The following SREK1 variants were observed in gnomAD, a reference collection of about 807,000 sequenced individuals.
SREK1 encodes splicing regulatory glutamine/lysine-rich protein 1.
Under a neutral mutation model 66.5 loss-of-function variants are expected in SREK1, and 13 were observed. The observed-to-expected ratio is 0.20, with a 90% CI of 0.13 to 0.31. The LOEUF is 0.31. Ranked by LOEUF, SREK1 falls within the 10% of genes least tolerant of loss-of-function variation. The pLI is 1.00. For synonymous variants in SREK1, 265 were observed against 263.5 expected (o/e 1.01, Z -0.05); for missense variants, 607 against 769.6 (o/e 0.79, Z 2.50).
intron 1 of SREK1, 34 bp from the exon 2 acceptor site, chr5:66,153,429 T>C: frequency 2.5e-6 from 4 of 1,592,886 alleles, no homozygotes; most frequent in Non-Finnish European, 3.4e-6. Context: ...AGCAAATGTT[T>C]ATTAGTTCAA....
chr5:66,182,386 A>G lies in SREK1; in HGVS notation c.*3518A>G, dbSNP rs1269678342. The G allele has an allele frequency of 1.3e-5, 2 of 152,128 alleles. No individual in the cohort carries two copies. The highest frequency in any genetic ancestry group is 4.8e-5 in the African/African-American group (2 of 41,420). 9.4% of individuals were successfully genotyped at this position (152,128 alleles called of 1,614,324 possible). A position where few individuals can be genotyped will look rare whatever the true frequency, so the allele number is the denominator to read the frequency against. ...ACTTAAAATTAGATGTTTATTTTCA[A>G]ATTTTAAAAGCTAGTGCTCTTAAAA... On this transcript the variant is annotated 3_prime_UTR_variant, in exon 12 of 12. Transcript: ENST00000334121.
At position 66,162,570 on chromosome 5, in the gene SREK1, A is replaced by G; in HGVS notation, c.733A>G (p.Met245Val). ...VPRALAFNGV[M>V]FGDRPLKINH... Reference sequence around the variant, plus strand: ...AAGGGCCCTTGCTTTTAATGGAGTTATGTTTGGAGACAGGCCACTGAAGTA... The same window carrying G: ...AAGGGCCCTTGCTTTTAATGGAGTTGTGTTTGGAGACAGGCCACTGAAGTA... Residue 245 changes from methionine (M) to valine (V), a missense_variant, in exon 5 of 12, where the codon ATG becomes GTG. By Grantham distance (21) the Met-to-Val change is conservative (BLOSUM62 1). Coordinates refer to ENST00000334121, the MANE Select transcript of SREK1 (RefSeq NM_001077199.3). 1 of 1,612,472 alleles carries G rather than the reference A, an allele frequency of 6.2e-7. No individual in the cohort carries two copies. The highest frequency in any genetic ancestry group is 8.5e-7 in the Non-Finnish European group (1 of 1,179,044).
intron 3 of SREK1, among the ~76,000 whole-genome samples, chr5:66,160,700 A>C (rs1351271562): frequency 6.6e-6 from 1 of 152,240 alleles, no homozygotes; most frequent in Non-Finnish European, 1.5e-5. Context: ...TGCTGTGATA[A>C]GTGACATTGA....
rs1240356561 is a variant in SREK1, at chr5:66,164,352, A to G, written c.886+430A>G. On this transcript the variant is annotated intron_variant, in intron 6 of 11. Transcript: ENST00000334121. ...CTGTATTTTAGTAAGGTAAAAGAAC[A>G]TCTATTTAAACTTTTGTGTTGCTAA... The G allele has an allele frequency of 1.2e-5, 4 of 328,748 alleles. No individual in the cohort carries two copies. The East Asian group carries it at 3.2e-4, about 27-fold the overall frequency. The allele number at this position is 328,748 out of a possible 1,614,324, so 20.4% of individuals were successfully genotyped here.
chr5:66,162,052 T>A, intron 3 of SREK1, 57 bp from the exon 4 acceptor site: 1 of 1,557,106 alleles, frequency 6.4e-7, no homozygotes, highest in Non-Finnish European at 8.7e-7. Context: ...GAGAATGGTA[T>A]CTTTGGATAC....
At chr5:66,148,785 A>G (rs1185639913) in intron 1 of SREK1, among the ~76,000 whole-genome samples, 1 of 151,622 alleles carries the variant, frequency 6.6e-6, no homozygotes, top group African/African-American at 2.4e-5. Flanking sequence ...AGATGCATAC[A>G]TTTAGACCAA....
intron 9 of SREK1, among the ~76,000 whole-genome samples, chr5:66,173,967 ATAT>A (rs1231606021): frequency 1.3e-5 from 2 of 152,198 alleles, no homozygotes; most frequent in African/African-American, 2.4e-5. Flanking sequence ...ATTTTAATAC[ATAT>A]TATATATACC....
chr5:66,165,615 A>G (rs1449401122), intron 7 of SREK1: 2 of 152,262 alleles, frequency 1.3e-5, no homozygotes, highest in Non-Finnish European at 2.9e-5. Context: ...GAAGTACCCT[A>G]AAGATCATTA....
chr5:66,170,972 C>G (rs376100378), intron 9 of SREK1, 25 bp downstream of exon 9: 1 of 1,572,098 alleles, frequency 6.4e-7, no homozygotes, highest in Non-Finnish European at 8.6e-7. Flanking sequence ...AAAATTTTTA[C>G]AAAGGGATTT....
At position 66,162,336 on chromosome 5, in the gene SREK1, C is replaced by A; in HGVS notation, c.576+63C>A. On this transcript the variant is annotated intron_variant, in intron 4 of 11. Transcript: ENST00000334121. ...TTATTCTTTTTCTCTTCTTAAAAATCATATCAGTGGATACAGTAATATTTA... is the reference window on the plus strand; with the variant it reads ...TTATTCTTTTTCTCTTCTTAAAAATAATATCAGTGGATACAGTAATATTTA... The A allele has an allele frequency of 5.0e-6, 8 of 1,605,180 alleles. No individual in the cohort carries two copies. The South Asian group carries it at 8.9e-5, about 18-fold the overall frequency.
At chr5:66,155,449 A>C (rs1212834249) in intron 2 of SREK1, among the ~76,000 whole-genome samples, 1 of 152,248 alleles carries the variant, frequency 6.6e-6, no homozygotes. Flanking sequence ...TGAGCTGTTA[A>C]AATACTGATT....
At chr5:66,145,191 G>T (rs1335369927) in intron 1 of SREK1, 2 of 983,366 alleles carry the variant, frequency 2.0e-6, no homozygotes, top group African/African-American at 3.5e-5. Flanking sequence ...AGTGTAAGTC[G>T]GTGCAGGGTT....
rs1027148675 is a variant in SREK1, at chr5:66,180,021, T to A, written c.*1153T>A. On this transcript the variant is annotated 3_prime_UTR_variant, in exon 12 of 12. Transcript: ENST00000334121. The stretch of plus-strand genomic sequence containing the variant: ...AAACATGTTCTTATTTTCCTTAAAT[T>A]GAAGAAAACCCTTTAGTTGTCTACA... 6.6e-6 allele frequency: 1 copy of A among 152,576 alleles called. No individual in the cohort carries two copies. The highest frequency in any genetic ancestry group is 1.5e-5 in the Non-Finnish European group (1 of 67,998). The allele number at this position is 152,576 out of a possible 1,614,324, so 9.5% of individuals were successfully genotyped here.
chr5:66,145,816 C>T (rs1471567205), intron 1 of SREK1, among the ~76,000 whole-genome samples: 2 of 148,474 alleles, frequency 1.3e-5, no homozygotes, highest in Non-Finnish European at 3.0e-5. Flanking sequence ...CTTGAATATG[C>T]CAAGTAATCC....
At chr5:66,150,047 T>G (rs1743640969) in intron 1 of SREK1, among the ~76,000 whole-genome samples, 1 of 152,240 alleles carries the variant, frequency 6.6e-6, no homozygotes, top group Non-Finnish European at 1.5e-5. Context: ...TACAGCTTGC[T>G]GTAAGTCACC....
At chr5:66,159,484 T>TC (rs1281931154) in intron 3 of SREK1, 150 bp downstream of exon 3, 2 of 620,562 alleles carry the variant, frequency 3.2e-6, no homozygotes, top group Non-Finnish European at 5.0e-6. Flanking sequence ...ACTTTTTTTT[T>TC]CACTTTATCA....
At chr5:66,158,714 C>CT (rs1273417750) in intron 2 of SREK1, 90 of 1,092,670 alleles carry the variant, frequency 8.2e-5, no homozygotes, top group Admixed American at 1.3e-4. Context: ...TTTTCTTTTT[C>CT]TTTTTTTTGA....
Position 66,144,513 on chromosome 5 carries a change from A to G in SREK1, c.137A>G (p.Glu46Gly). ...CTTTTTTCCTTCCTAGGAGAAATCG[A>G]GGAGCTGCGGCTCTACCCCCCGGAG... ...RTLFSFLGEI[E>G]ELRLYPPDNA... is the part of the protein sequence containing the mutation. The change falls in exon 1 of 12, where the codon GAG becomes GGG. Residue 46 changes from glutamate (E) to glycine (G), a missense_variant. Around this residue, in one of 5 missense-constraint regions of SREK1, gnomAD observed 75 missense variants for 72.9 expected, o/e 1.03. Coordinates refer to ENST00000334121, the MANE Select transcript of SREK1 (RefSeq NM_001077199.3). The G allele has an allele frequency of 6.4e-7, 1 of 1,553,486 alleles. No homozygotes were observed. Among genetic ancestry groups the G allele is most frequent in the Non-Finnish European group, 8.7e-7 (1 of 1,148,014 alleles).
chr5:66,164,037 T>C, intron 6 of SREK1, 115 bp downstream of exon 6: 1 of 1,291,644 alleles, frequency 7.7e-7, no homozygotes, highest in South Asian at 1.5e-5. Flanking sequence ...ACAAGAAGAC[T>C]GAAACTCAAG....
Sources: gnomAD v4.1 joint callset for allele counts (sites outside exome capture counted in the v4.1 genomes callset) on GRCh38, gnomAD v4.1.1 for gene constraint, gnomAD v4.1.1 regional missense constraint, MANE v1.5 for transcripts, NCBI Gene and HGNC (gene_info 2026-07-23, HGNC 2026-07-21) for gene names.